Variants in CDKN2B-AS1 observed in about 807,000 individuals in gnomAD.
CDKN2B-AS1 encodes the protein CDKN2B and CDKN2A antisense cis and trans regulatory RNA 1.
chr9:22,071,136 A>C (rs780130636), intron 4 of CDKN2B-AS1, among the ~76,000 whole-genome samples: 2 of 150,556 alleles, frequency 1.3e-5, no homozygotes. Flanking sequence ...ATTCAATTGC[A>C]ACTTAGGAGA....
chr9:22,089,400 T>G (rs1243555357), intron 4 of CDKN2B-AS1, among the ~76,000 whole-genome samples: 1 of 152,146 alleles, frequency 6.6e-6, no homozygotes, highest in Non-Finnish European at 1.5e-5. Flanking sequence ...TCAAGTGAAG[T>G]TACTTGCTTT....
intron 1 of CDKN2B-AS1, among the ~76,000 whole-genome samples, chr9:22,023,436 A>T (rs933991297): frequency 1.3e-5 from 2 of 152,072 alleles, no homozygotes; most frequent in East Asian, 3.9e-4. Flanking sequence ...TTGTGATTGC[A>T]TTATGAAATT....
chr9:22,018,726 A>C (rs535641717), intron 1 of CDKN2B-AS1, among the ~76,000 whole-genome samples: 1 of 152,338 alleles, frequency 6.6e-6, no homozygotes, highest in Admixed American at 6.5e-5. Flanking sequence ...CTCCTATTTC[A>C]ATCTACTTTT....
intron 1 of CDKN2B-AS1, among the ~76,000 whole-genome samples, chr9:22,023,243 A>C (rs1676323977): frequency 6.6e-6 from 1 of 151,826 alleles, no homozygotes; most frequent in Admixed American, 6.6e-5. Flanking sequence ...ACTATCTTCC[A>C]TTTTTTTCAG....
chr9:22,013,972 C>T lies in CDKN2B-AS1; in HGVS notation n.29+18811C>T, dbSNP rs372591698. On this transcript the variant is annotated intron_variant and non_coding_transcript_variant, in intron 1 of 4. Coordinates refer to ENST00000650946, the Ensembl canonical transcript of CDKN2B-AS1. ...ATGTGATTCAGGTTTGATATTTGGG[C>T]AAAAGTATTTAATAAGTGGGATTAC... Among the ~76,000 whole-genome samples, 9 of 151,970 alleles carry T rather than the reference C, an allele frequency of 5.9e-5. No individual in the cohort carries two copies. The East Asian group carries it at 1.7e-3, about 29-fold the overall frequency.
At position 22,005,222 on chromosome 9, in the gene CDKN2B-AS1, C is replaced by G. The variant is rs920181429; in HGVS notation, n.29+10061C>G. On this transcript the variant is annotated intron_variant and non_coding_transcript_variant, in intron 1 of 4. Coordinates refer to ENST00000650946, the Ensembl canonical transcript of CDKN2B-AS1. The surrounding 1 kb of genome is among the most constrained non-coding windows in gnomAD (Gnocchi z 4.9). ...CATCCTGTGTAGTCTGCCTGCGGAA[C>G]CCGCGGGAATCTCTCCTCAGTGTAG... 7 of 233,614 alleles carry G rather than the reference C, an allele frequency of 3.0e-5. No individual in the cohort carries two copies. The highest frequency in any genetic ancestry group is 1.5e-4 in the African/African-American group (7 of 45,332). The allele number at this position is 233,614 out of a possible 1,614,324, so 14.5% of individuals were successfully genotyped here.
At position 22,069,698 on chromosome 9, in the gene CDKN2B-AS1, C is replaced by T. The variant is rs186941900; in HGVS notation, n.438+13311C>T. 3.8e-4 allele frequency among the ~76,000 whole-genome samples: 58 copies of T among 152,210 alleles called. 1 individual carries two copies. The South Asian group carries it at 5.4e-3, about 14-fold the overall frequency. On this transcript the variant is annotated intron_variant and non_coding_transcript_variant, in intron 4 of 4. Coordinates refer to ENST00000650946, the Ensembl canonical transcript of CDKN2B-AS1. ...TCAAAAGCCTCTCTTCTAGCTCTTT[C>T]GTAATATCAATACCTTACTGTTAAT...
chr9:22,092,866 C>T (rs1395299755), intron 4 of CDKN2B-AS1, among the ~76,000 whole-genome samples: 1 of 152,078 alleles, frequency 6.6e-6, no homozygotes, highest in Non-Finnish European at 1.5e-5. Flanking sequence ...CTTCTGCTAG[C>T]TTTTGAATCT....
At chr9:22,068,477 C>T (rs749996470) in intron 4 of CDKN2B-AS1, among the ~76,000 whole-genome samples, 20 of 152,046 alleles carry the variant, frequency 1.3e-4, no homozygotes, top group Non-Finnish European at 2.5e-4. Context: ...AAGAATGTCC[C>T]GGCAGATGAG....
At chr9:22,017,335 A>G (rs186453594) in intron 1 of CDKN2B-AS1, among the ~76,000 whole-genome samples, 55 of 124,340 alleles carry the variant, frequency 4.4e-4, no homozygotes, top group Non-Finnish European at 4.6e-4. Context: ...CTGAAGCAGA[A>G]AAAAATAAAT....
intron 3 of CDKN2B-AS1, among the ~76,000 whole-genome samples, chr9:22,049,817 T>G (rs2131279338): frequency 6.6e-6 from 1 of 152,346 alleles, no homozygotes; most frequent in Non-Finnish European, 1.5e-5. Flanking sequence ...AAATAATATC[T>G]GTAAAGCGTT....
At chr9:22,091,082 G>T (rs1380400512) in intron 4 of CDKN2B-AS1, among the ~76,000 whole-genome samples, 1 of 152,110 alleles carries the variant, frequency 6.6e-6, no homozygotes, top group Non-Finnish European at 1.5e-5. Flanking sequence ...ATTAAATAGG[G>T]AATCCTTTCC....
chr9:22,085,168 C>T (rs1824825867), intron 4 of CDKN2B-AS1, among the ~76,000 whole-genome samples: 1 of 152,110 alleles, frequency 6.6e-6, no homozygotes. Context: ...TTATACATTT[C>T]CAATACTTGG....
chr9:22,110,017 T>C (rs1825763984), intron 4 of CDKN2B-AS1, among the ~76,000 whole-genome samples: 1 of 152,148 alleles, frequency 6.6e-6, no homozygotes, highest in South Asian at 2.1e-4. Context: ...GTCAATTGAC[T>C]TCCCTGAATG....
At chr9:22,065,983 G>A (rs557456380) in intron 4 of CDKN2B-AS1, among the ~76,000 whole-genome samples, 4 of 152,246 alleles carry the variant, frequency 2.6e-5, no homozygotes, top group East Asian at 1.9e-4. Flanking sequence ...CCCTGGACAC[G>A]GAAGTTCTTT....
intron 1 of CDKN2B-AS1, among the ~76,000 whole-genome samples, chr9:22,010,211 CT>C (rs1418352852): frequency 6.6e-6 from 1 of 152,206 alleles, no homozygotes; most frequent in African/African-American, 2.4e-5. Context: ...ATTAAATTCT[CT>C]TCTGAAGATT....
intron 1 of CDKN2B-AS1, among the ~76,000 whole-genome samples, chr9:22,011,735 G>C (rs1821517752): frequency 6.6e-6 from 1 of 152,184 alleles, no homozygotes. Context: ...TAGCACATTT[G>C]TCTTGGACAA....
chr9:22,025,263 G>T (rs1587419395), intron 1 of CDKN2B-AS1, among the ~76,000 whole-genome samples: 1 of 152,150 alleles, frequency 6.6e-6, no homozygotes, highest in African/African-American at 2.4e-5. Context: ...ACGAGCAGCT[G>T]GGGGGTGGGG....
intron 4 of CDKN2B-AS1, among the ~76,000 whole-genome samples, chr9:22,125,343 T>G (rs188267508): frequency 6.6e-6 from 1 of 152,266 alleles, no homozygotes; most frequent in Non-Finnish European, 1.5e-5. Context: ...TTTGAGGAGA[T>G]GTTTAAATGT....
Sources: gnomAD v4.1 joint callset for allele counts (sites outside exome capture counted in the v4.1 genomes callset) on GRCh38, gnomAD v4.1.1 for gene constraint, Gnocchi (gnomAD v3.1) non-coding constraint, MANE v1.5 for transcripts, NCBI Gene and HGNC (gene_info 2026-07-23, HGNC 2026-07-21) for gene names.